The following PSEN2 variants were observed in gnomAD, a reference collection of about 807,000 sequenced individuals.
PSEN2 encodes presenilin-2.
A neutral mutation model predicts 49.1 loss-of-function variants in PSEN2; 32 were observed. That is an observed-to-expected ratio of 0.65 (90% confidence interval 0.49 to 0.88). The LOEUF is 0.88. Ranked by LOEUF, PSEN2 falls within the 40% of genes least tolerant of loss-of-function variation. The pLI, the probability that PSEN2 is intolerant of heterozygous loss-of-function variation, is 0.00. For missense variants in PSEN2, 522 were observed against 586.9 expected (o/e 0.89, Z 1.14); for synonymous variants, 255 against 244.0 (o/e 1.05, Z -0.42).
At position 226,874,731 on chromosome 1, in the gene PSEN2, A is replaced by G. The variant is rs528980926; in HGVS notation, c.-206-634A>G. Among the ~76,000 whole-genome samples, 6 of 152,282 alleles carry G rather than the reference A, an allele frequency of 3.9e-5. No individual in the cohort carries two copies. The South Asian group carries it at 1.2e-3, about 32-fold the overall frequency. On this transcript the variant is annotated intron_variant, in intron 2 of 12. Transcript: ENST00000366783. Reference sequence around the variant, plus strand: ...CAGGTTATCTCTAGGTTTTACGATAATCTTGCAAGGTATGCCTGTTCTGCT... The same window carrying G: ...CAGGTTATCTCTAGGTTTTACGATAGTCTTGCAAGGTATGCCTGTTCTGCT...
intron 3 of PSEN2, among the ~76,000 whole-genome samples, chr1:226,877,205 C>T (rs548935197): frequency 1.3e-5 from 2 of 152,236 alleles, no homozygotes; most frequent in East Asian, 3.9e-4. Context: ...GAGAATCACC[C>T]GGGGACCAAC....
chr1:226,881,256 G>A (rs960935755), intron 3 of PSEN2, among the ~76,000 whole-genome samples: 1 of 152,126 alleles, frequency 6.6e-6, no homozygotes. Context: ...GGTGATGTGT[G>A]TCTCCTTAAC....
chr1:226,892,135 G>T (rs1661801525), intron 11 of PSEN2, among the ~76,000 whole-genome samples: 1 of 152,168 alleles, frequency 6.6e-6, no homozygotes, highest in South Asian at 2.1e-4. Context: ...TAATCACATA[G>T]ACTGAGAAGC....
Position 226,891,340 on chromosome 1 carries a change from C to T in PSEN2, c.949C>T (p.Leu317Phe), listed in dbSNP as rs1441500930. ...LDPSSQGALQ[L>F]PYDPEMEEDS... ...CCCCTCCTCTCAGGGTGCCCTCCAG[C>T]TCCCCTACGACCCGGAGATGGGTGA... Residue 317 changes from leucine (L) to phenylalanine (F), a missense_variant, in exon 10 of 13, where the codon CTC becomes TTC. Transcript: ENST00000366783. The T allele has an allele frequency of 1.2e-6, 2 of 1,613,630 alleles. No homozygotes were observed. The highest frequency in any genetic ancestry group is 8.5e-7 in the Non-Finnish European group (1 of 1,179,844).
chr1:226,891,688 CTTG>C (rs112130067), intron 10 of PSEN2, 52 bp from the exon 11 acceptor site: 170 of 1,452,978 alleles, frequency 1.2e-4, no homozygotes, highest in African/African-American at 4.5e-4. Flanking sequence ...GTTTCTCTCT[CTTG>C]TTGTCCCCTC....
chr1:226,894,243 G>C, intron 12 of PSEN2, 118 bp downstream of exon 12: 1 of 731,966 alleles, frequency 1.4e-6, no homozygotes, highest in Non-Finnish European at 2.3e-6. Context: ...TCCCTCTGAG[G>C]GACAAGAGCA....
intron 5 of PSEN2, among the ~76,000 whole-genome samples, chr1:226,884,161 G>C (rs192389510): frequency 6.6e-6 from 1 of 152,182 alleles, no homozygotes; most frequent in Non-Finnish European, 1.5e-5. Flanking sequence ...GGTTGATAAC[G>C]CAGTTACTGG....
chr1:226,888,478 G>C (rs1465952924), intron 7 of PSEN2, among the ~76,000 whole-genome samples: 2 of 152,180 alleles, frequency 1.3e-5, no homozygotes. Context: ...GGCTAGGCCT[G>C]GGTACTTTCT....
At chr1:226,888,188 G>T in intron 7 of PSEN2, 30 bp downstream of exon 7, 1 of 1,576,132 alleles carries the variant, frequency 6.3e-7, no homozygotes, top group Non-Finnish European at 8.7e-7. Context: ...CAGGGTCCCT[G>T]GGAGCCCCTC....
intron 4 of PSEN2, among the ~76,000 whole-genome samples, chr1:226,882,827 A>T (rs1031071351): frequency 5.9e-4 from 90 of 152,088 alleles, no homozygotes; most frequent in African/African-American, 2.1e-3. Context: ...CTTGTTTGTT[A>T]TCTCCGGGAA....
intron 3 of PSEN2, among the ~76,000 whole-genome samples, chr1:226,879,634 T>G (rs1001438106): frequency 6.6e-6 from 1 of 152,232 alleles, no homozygotes; most frequent in African/African-American, 2.4e-5. Context: ...CTTTCCAGAA[T>G]GAGCCCCCTC....
At chr1:226,901,131 G>A (rs116378890), downstream of PSEN2, among the ~76,000 whole-genome samples, 8 of 152,044 alleles carry the variant, frequency 5.3e-5, no homozygotes, top group South Asian at 2.1e-4. Context: ...TCTTCCTGTC[G>A]AGGCCACTCA....
At chr1:226,900,505 G>C (rs116811593), downstream of PSEN2, among the ~76,000 whole-genome samples, 517 of 152,330 alleles carry the variant, frequency 3.4e-3, 3 homozygotes, top group African/African-American at 0.012. Flanking sequence ...GAATGGGGCG[G>C]CAGGGTCCTG....
At chr1:226,880,536 C>T in intron 3 of PSEN2, 2 of 1,570,266 alleles carry the variant, frequency 1.3e-6, no homozygotes, top group Non-Finnish European at 1.7e-6. Flanking sequence ...GATCACTCAG[C>T]CTCTGGACAG....
At chr1:226,870,726 G>A (rs953891485) in intron 1 of PSEN2, 77 bp downstream of exon 1, 1 of 151,552 alleles carries the variant, frequency 6.6e-6, no homozygotes, top group South Asian at 2.1e-4. Flanking sequence ...GTGGGGCTGC[G>A]CCCTGAGGGC....
rs1211792952 is a variant in PSEN2 at position 226,891,282 on chromosome 1, C to G, written c.891C>G (p.Ala297=). The G allele has an allele frequency of 6.2e-7, 1 of 1,613,800 alleles. No individual in the cohort carries two copies. The highest frequency in any genetic ancestry group is 8.5e-7 in the Non-Finnish European group (1 of 1,179,948). ...PIFPALIYSS[A]MVWTVGMAKL... The stretch of plus-strand genomic sequence containing the variant: ...GAACCTTTTCTCCTCCCCCAGCTGC[C>G]ATGGTGTGGACGGTTGGCATGGCGA... The change falls in exon 10 of 13, where the codon GCC becomes GCG. Residue 297 remains alanine (A), a synonymous_variant. Coordinates refer to ENST00000366783, the MANE Select transcript of PSEN2 (RefSeq NM_000447.3).
intron 3 of PSEN2, among the ~76,000 whole-genome samples, chr1:226,877,947 CT>C (rs1660738672): frequency 6.6e-6 from 1 of 152,352 alleles, no homozygotes; most frequent in East Asian, 1.9e-4. Context: ...GACCAGGTCA[CT>C]GTCTAGCGCA....
At position 226,882,296 on chromosome 1, in the gene PSEN2, G is replaced by T. The variant is rs373007480; in HGVS notation, c.141+248G>T. 1.8e-4 allele frequency among the ~76,000 whole-genome samples: 27 copies of T among 152,340 alleles called. No individual in the cohort carries two copies. In the South Asian group the frequency reaches 5.6e-3, roughly 32 times the overall value. On this transcript the variant is annotated intron_variant, in intron 4 of 12. Transcript: ENST00000366783. ...GACGCTGTCCACTCTGCCACCTTGG[G>T]TTTACCTCTCTCATGCAGGTCACTG... is the stretch of plus-strand genomic sequence containing the variant.
intron 3 of PSEN2, among the ~76,000 whole-genome samples, chr1:226,881,681 A>G (rs1257897505): frequency 6.6e-6 from 1 of 152,238 alleles, no homozygotes; most frequent in East Asian, 1.9e-4. Flanking sequence ...ACCTCAGGCC[A>G]GCCCCAGGCA....
Sources: allele counts gnomAD v4.1 joint callset (sites outside exome capture counted in the v4.1 genomes callset), GRCh38; gene constraint gnomAD v4.1.1; transcripts MANE v1.5; gene names NCBI Gene and HGNC (gene_info 2026-07-23, HGNC 2026-07-21).